The following CHMP1A variants were observed in gnomAD, a reference collection of about 807,000 sequenced individuals.
CHMP1A encodes the protein charged multivesicular body protein 1A.
In CHMP1A, 17 loss-of-function variants were observed where a neutral mutation model predicts 27.0. The ratio of observed to expected loss-of-function variants is 0.63; its 90% CI spans 0.43 to 0.95. The LOEUF is 0.95. Among genes scored for constraint, CHMP1A ranks in the 40% least tolerant of loss-of-function variants. CHMP1A has a pLI of 0.00. For missense variants in CHMP1A, 275 were observed against 264.0 expected (o/e 1.04, Z -0.29); for synonymous variants, 131 against 107.5 (o/e 1.22, Z -1.35).
At position 89,644,461 on chromosome 16, in the gene CHMP1A, C is replaced by T. The variant is rs1360108916; in HGVS notation, c.*1605G>A. On this transcript the variant is annotated 3_prime_UTR_variant, in exon 7 of 7. Coordinates refer to ENST00000397901, the MANE Select transcript of CHMP1A (RefSeq NM_002768.5). Reference sequence around the variant, plus strand: ...TTCCAGGGATCCATTTGTTTATTTACAACAGCATTCTAGGAGAAAGGTGAA... The same window carrying T: ...TTCCAGGGATCCATTTGTTTATTTATAACAGCATTCTAGGAGAAAGGTGAA... The T allele has an allele frequency of 3.3e-5, 5 of 152,222 alleles. No homozygotes were observed. Among genetic ancestry groups the T allele is most frequent in the African/African-American group, 1.2e-4 (5 of 41,452 alleles). The allele number at this position is 152,222 out of a possible 1,614,324, so 9.4% of individuals were successfully genotyped here.
At chr16:89,657,126 G>C (rs1369548295) in intron 1 of CHMP1A, among the ~76,000 whole-genome samples, 1 of 147,858 alleles carries the variant, frequency 6.8e-6, no homozygotes, top group Non-Finnish European at 1.5e-5. Flanking sequence ...ATCTCGGGTT[G>C]GGGGTCGGGG....
chr16:89,646,427 G>C (rs1161926025), intron 6 of CHMP1A, 100 bp downstream of exon 6: 4 of 1,306,444 alleles, frequency 3.1e-6, no homozygotes, highest in Non-Finnish European at 4.2e-6. Context: ...CGGAGCCTCA[G>C]CCCAAGCTCT....
intron 4 of CHMP1A, 61 bp from the exon 5 acceptor site, chr16:89,647,392 G>C: frequency 6.6e-7 from 1 of 1,524,082 alleles, no homozygotes; most frequent in East Asian, 2.3e-5. Context: ...TCACGCACCA[G>C]GGACGGGTCC....
At chr16:89,648,997 C>T (rs1486197913) in intron 4 of CHMP1A, among the ~76,000 whole-genome samples, 1 of 151,884 alleles carries the variant, frequency 6.6e-6, no homozygotes. Flanking sequence ...TGCACTCCAG[C>T]CTGGGTGACA....
intron 6 of CHMP1A, among the ~76,000 whole-genome samples, chr16:89,646,300 T>C (rs1339479128): frequency 1.3e-5 from 2 of 152,112 alleles, no homozygotes; most frequent in African/African-American, 2.4e-5. Context: ...GTAAACGCCA[T>C]GCCTGACACA....
chr16:89,652,198 C>T (rs2059829813), intron 2 of CHMP1A, among the ~76,000 whole-genome samples: 1 of 152,160 alleles, frequency 6.6e-6, no homozygotes, highest in South Asian at 2.1e-4. Flanking sequence ...TCTGGCAACA[C>T]CACAAGGACA....
Position 89,646,633 on chromosome 16 carries a change from C to T in CHMP1A, c.463G>A (p.Glu155Lys), listed in dbSNP as rs762118577. The T allele has an allele frequency of 1.9e-6, 3 of 1,609,384 alleles. No homozygotes were observed. Among genetic ancestry groups the T allele is most frequent in the Admixed American group, 1.7e-5 (1 of 59,472 alleles). Residue 155 changes from glutamate (E) to lysine (K), a missense_variant, in exon 6 of 7, where the codon GAG (glutamate) becomes AAG (lysine). Physicochemically the swap from Glu to Lys is moderately conservative, Grantham distance 56. Transcript: ENST00000397901. ...TCCAGCACCTCCAGGCCATTCTCCT[C>T]GGCGATCTGCATGATGAGGCTGTCC... Reference protein sequence around the residue: ...QVDSLIMQIAEENGLEVLDQL... With the variant: ...QVDSLIMQIAKENGLEVLDQL...
chr16:89,650,356 C>A (rs1172742646), intron 3 of CHMP1A, among the ~76,000 whole-genome samples: 1 of 152,118 alleles, frequency 6.6e-6, no homozygotes, highest in South Asian at 2.1e-4. Context: ...GATCCCTCCT[C>A]TCCTTCTGCC....
At chr16:89,650,474 GC>G (rs1274394970) in intron 3 of CHMP1A, among the ~76,000 whole-genome samples, 2 of 152,180 alleles carry the variant, frequency 1.3e-5, no homozygotes, top group African/African-American at 2.4e-5. Context: ...AGACCCTGAT[GC>G]CCTAGACACC....
At position 89,646,590 on chromosome 16, in the gene CHMP1A, G is replaced by A; in HGVS notation, c.506C>T (p.Pro169Leu). 1 of 1,600,622 alleles carries A rather than the reference G, an allele frequency of 6.2e-7. No individual in the cohort carries two copies. The highest frequency in any genetic ancestry group is 2.3e-5 in the East Asian group (1 of 44,338). The part of the protein sequence containing the change: ...LEVLDQLSQL[P>L]EGASAVGESS... Reference sequence around the variant, plus strand: ...CTCGCCCACGGCAGAGGCGCCCTCGGGCAGCTGGCTGAGCTGGTCCAGCAC... The same window carrying A: ...CTCGCCCACGGCAGAGGCGCCCTCGAGCAGCTGGCTGAGCTGGTCCAGCAC... The change falls in exon 6 of 7, where the codon CCC becomes CTC. Residue 169 changes from proline to leucine, a missense_variant. By Grantham distance (98) the Pro-to-Leu change is moderately conservative. Transcript: ENST00000397901.
rs193153628 is a variant in CHMP1A at position 89,653,798 on chromosome 16, C to T, written c.27+106G>A. ...TGAGCCCTGTGTGGCGGTCACTCAA[C>T]TGTTATATAATCTGCCCGACTGTTT... On this transcript the variant is annotated intron_variant, in intron 2 of 6. Coordinates refer to ENST00000397901, the MANE Select transcript of CHMP1A (RefSeq NM_002768.5). 4.6e-4 allele frequency: 561 copies of T among 1,207,872 alleles called. 3 individuals carry two copies. The African/African-American group carries it at 7.2e-3, about 15-fold the overall frequency. The allele number at this position is 1,207,872 out of a possible 1,614,324, so 74.8% of individuals were successfully genotyped here.
chr16:89,646,550 G>A lies in CHMP1A; in HGVS notation c.546C>T (p.Ser182=), dbSNP rs369156151. 6 of 1,589,020 alleles carry A rather than the reference G, an allele frequency of 3.8e-6. No homozygotes were observed. The African/African-American group carries it at 8.1e-5, about 21-fold the overall frequency. ...ACCTCCGTGACAGCTGGTCCTCCTG[G>A]CTGCGCACAGAGCTCTCGCCCACGG... is the stretch of plus-strand genomic sequence containing the variant. ...ASAVGESSVR[S]QEDQLSRRLA... Residue 182 remains serine (S), a synonymous_variant, in exon 6 of 7, where the codon AGC becomes AGT. Transcript: ENST00000397901.
chr16:89,651,960 C>T (rs367688669), intron 2 of CHMP1A, among the ~76,000 whole-genome samples: 49 of 152,352 alleles, frequency 3.2e-4, no homozygotes, highest in African/African-American at 1.1e-3. Flanking sequence ...GGGTCAAAAA[C>T]CTCTCACTCT....
intron 1 of CHMP1A, among the ~76,000 whole-genome samples, chr16:89,656,173 G>C (rs2059866415): frequency 6.6e-6 from 1 of 152,162 alleles, no homozygotes; most frequent in Non-Finnish European, 1.5e-5. Flanking sequence ...GTCTCGCTCT[G>C]TCGCCCAGGC....
At position 89,645,842 on chromosome 16, in the gene CHMP1A, C is replaced by A. The variant is rs1434726168; in HGVS notation, c.*224G>T. 4.1e-6 allele frequency: 6 copies of A among 1,450,014 alleles called. No individual in the cohort carries two copies. Among genetic ancestry groups the A allele is most frequent in the East Asian group, 2.6e-5 (1 of 38,878 alleles). 89.8% of individuals were successfully genotyped at this position (1,450,014 alleles called of 1,614,324 possible). A position where few individuals can be genotyped will look rare whatever the true frequency, so the allele number is the denominator to read the frequency against. ...TGTGGGCCCAGAGTCACAGAAATCACCCCCAGAAATTTGCAGAAACTCAAC... is the reference window on the plus strand; with the variant it reads ...TGTGGGCCCAGAGTCACAGAAATCAACCCCAGAAATTTGCAGAAACTCAAC... On this transcript the variant is annotated 3_prime_UTR_variant, in exon 7 of 7. Transcript: ENST00000397901.
intron 2 of CHMP1A, among the ~76,000 whole-genome samples, chr16:89,652,620 C>T (rs2059834153): frequency 1.3e-5 from 2 of 151,692 alleles, no homozygotes; most frequent in Non-Finnish European, 2.9e-5. Context: ...CCATCTGGAA[C>T]CACAGACGCC....
In CHMP1A at chr16:89,651,655, A is replaced by T; in HGVS notation, c.28-9T>A. ...AGCTGCTTCGCCGTGAACTGAGCGG[A>T]AGCCGGAATGTCCTGGGTCAGACAT... On this transcript the variant is annotated splice_polypyrimidine_tract_variant and intron_variant, in intron 2 of 6. Transcript: ENST00000397901. 6.2e-7 allele frequency: 1 copy of T among 1,613,338 alleles called. No individual in the cohort carries two copies. Among genetic ancestry groups the T allele is most frequent in the Non-Finnish European group, 8.5e-7 (1 of 1,179,770 alleles).
intron 1 of CHMP1A, 148 bp from the exon 2 acceptor site, chr16:89,654,071 C>G (rs1320239193): frequency 8.3e-6 from 7 of 842,942 alleles, no homozygotes; most frequent in African/African-American, 1.7e-5. Context: ...GGGAGCCCCC[C>G]CCAACAGGGG....
rs1172695061 is a variant in CHMP1A at position 89,653,010 on chromosome 16, T to TTTTTC, written c.27+889_27+893dup. On this transcript the variant is annotated intron_variant, in intron 2 of 6. Coordinates refer to ENST00000397901, the MANE Select transcript of CHMP1A (RefSeq NM_002768.5). ...CCTAATGCCCAAGTTGTCTTTTTTT[T>TTTTTC]TTTTCTTTTCTTTTTTTTTTTTTTT... Among the ~76,000 whole-genome samples, 88 of 141,226 alleles carry TTTTTC rather than the reference T, an allele frequency of 6.2e-4. 2 individuals are homozygous for TTTTTC. The East Asian group carries it at 0.013, about 20-fold the overall frequency. 92.6% of individuals were successfully genotyped at this position (141,226 alleles called of 152,430 possible).
Sources: gnomAD v4.1 joint callset for allele counts (sites outside exome capture counted in the v4.1 genomes callset) on GRCh38, gnomAD v4.1.1 for gene constraint, MANE v1.5 for transcripts, NCBI Gene and HGNC (gene_info 2026-07-23, HGNC 2026-07-21) for gene names.